The following TENM3 variants were observed in gnomAD, a reference collection of about 807,000 sequenced individuals.
TENM3 encodes the protein teneurin transmembrane protein 3, also known as teneurin-3.
A neutral mutation model predicts 255.1 loss-of-function variants in TENM3; 63 were observed. That is an observed-to-expected ratio of 0.25 (90% CI 0.20 to 0.30). The LOEUF is 0.30. TENM3 is among the 10% of genes least tolerant of loss of function. The pLI is 1.00. For synonymous variants in TENM3, 1,306 were observed against 1,322.3 expected, an observed-to-expected ratio of 0.99 and a Z score of 0.27; for missense variants, 2,929 against 3,461.1, an observed-to-expected ratio of 0.85 and a Z score of 3.86.
At chr4:182,117,607 A>G in the TENM3 span, among the ~76,000 whole-genome samples, 10 of 152,188 alleles carry the variant, frequency 6.6e-5, no homozygotes, top group African/African-American at 2.2e-4. Flanking sequence ...AGCAAGCTAT[A>G]GTTATATTGA....
intron 1 of TENM3, among the ~76,000 whole-genome samples, chr4:182,203,861 T>C (rs544094395): frequency 2.8e-4 from 42 of 152,290 alleles, no homozygotes; most frequent in African/African-American, 9.6e-4. Context: ...CTAAACATGG[T>C]GGAAGCATAC....
intron 3 of TENM3, among the ~76,000 whole-genome samples, chr4:182,430,535 A>G (rs1391773250): frequency 6.6e-6 from 1 of 152,076 alleles, no homozygotes; most frequent in Non-Finnish European, 1.5e-5. Context: ...GCAGCAGAGC[A>G]AGACTCCATC....
intron 3 of TENM3, among the ~76,000 whole-genome samples, chr4:182,577,439 T>G (rs898687106): frequency 6.6e-6 from 1 of 152,202 alleles, no homozygotes; most frequent in Admixed American, 6.5e-5. Context: ...GAATTGTGTC[T>G]TACTCCTTGG....
chr4:181,895,934 T>C, the TENM3 span, among the ~76,000 whole-genome samples: 2 of 152,200 alleles, frequency 1.3e-5, no homozygotes, highest in African/African-American at 4.8e-5. Flanking sequence ...AAGTCTGTTA[T>C]ATACCCAAGC....
At chr4:182,401,095 AG>A (rs1374445827) in intron 3 of TENM3, among the ~76,000 whole-genome samples, 7 of 151,876 alleles carry the variant, frequency 4.6e-5, no homozygotes. Context: ...ATACATTAAC[AG>A]GGTCCTCTCT....
chr4:182,083,959 GA>G, the TENM3 span, among the ~76,000 whole-genome samples: 8 of 146,736 alleles, frequency 5.5e-5, no homozygotes, highest in South Asian at 2.2e-4. Flanking sequence ...CACTGCAGTT[GA>G]AAAAAAAAAG....
chr4:181,725,654 G>A, the TENM3 span, among the ~76,000 whole-genome samples: 3 of 152,004 alleles, frequency 2.0e-5, no homozygotes, highest in South Asian at 2.1e-4. Flanking sequence ...GTGTTAGCCA[G>A]GATGGTCTCG....
chr4:182,480,047 G>A (rs181487159), intron 3 of TENM3, among the ~76,000 whole-genome samples: 11 of 152,008 alleles, frequency 7.2e-5, no homozygotes, highest in South Asian at 2.1e-4. Flanking sequence ...ATGATGGATA[G>A]CAACAGGAAG....
At chr4:182,202,883 A>G (rs552647576) in intron 1 of TENM3, among the ~76,000 whole-genome samples, 5 of 152,272 alleles carry the variant, frequency 3.3e-5, no homozygotes, top group African/African-American at 1.2e-4. Flanking sequence ...TGGAAAGCCT[A>G]CACGATCCCC....
the TENM3 span, among the ~76,000 whole-genome samples, chr4:181,792,921 A>C: frequency 2.2e-4 from 33 of 152,224 alleles, no homozygotes; most frequent in African/African-American, 7.7e-4. Flanking sequence ...ATTAAAGTTC[A>C]GCAAATCTCT....
At chr4:181,728,869 A>G in the TENM3 span, among the ~76,000 whole-genome samples, 1 of 152,146 alleles carries the variant, frequency 6.6e-6, no homozygotes, top group South Asian at 2.1e-4. Context: ...AGTAGTTTAT[A>G]TGGCTTCTAG....
intron 7 of TENM3, among the ~76,000 whole-genome samples, chr4:182,675,613 G>A (rs1755606108): frequency 6.6e-6 from 1 of 151,790 alleles, no homozygotes; most frequent in South Asian, 2.1e-4. Flanking sequence ...TAGACAGATT[G>A]GATTTATAGC....
At chr4:182,495,188 A>C (rs1735664214) in intron 3 of TENM3, among the ~76,000 whole-genome samples, 1 of 152,206 alleles carries the variant, frequency 6.6e-6, no homozygotes, top group African/African-American at 2.4e-5. Context: ...ATACCCCTTA[A>C]GTGCTCTTCT....
the TENM3 span, among the ~76,000 whole-genome samples, chr4:181,919,676 G>T: frequency 4.6e-5 from 7 of 151,962 alleles, no homozygotes; most frequent in South Asian, 2.1e-4. Context: ...CAATCGATCG[G>T]CATGAGGGAC....
the TENM3 span, among the ~76,000 whole-genome samples, chr4:181,801,794 G>T: frequency 6.6e-6 from 1 of 151,016 alleles, no homozygotes; most frequent in Non-Finnish European, 1.5e-5. Flanking sequence ...GTTTCTGCAG[G>T]TTTGTCATTT....
At chr4:182,091,222 A>G in the TENM3 span, among the ~76,000 whole-genome samples, 1 of 152,222 alleles carries the variant, frequency 6.6e-6, no homozygotes, top group Non-Finnish European at 1.5e-5. Flanking sequence ...CAGCAGGCCA[A>G]TTTGAGAAGA....
intron 3 of TENM3, among the ~76,000 whole-genome samples, chr4:182,431,799 G>A (rs930154564): frequency 3.9e-4 from 60 of 151,944 alleles, no homozygotes; most frequent in African/African-American, 1.3e-3. Flanking sequence ...AGCCAGGGCC[G>A]GGCATAGTGG....
intron 3 of TENM3, among the ~76,000 whole-genome samples, chr4:182,597,606 G>A (rs148721828): frequency 1.1e-3 from 175 of 152,252 alleles, no homozygotes; most frequent in Non-Finnish European, 1.8e-3. Flanking sequence ...CTTTAAAAAT[G>A]TATAGTACTA....
At chr4:181,832,082 C>G in the TENM3 span, among the ~76,000 whole-genome samples, 1 of 148,486 alleles carries the variant, frequency 6.7e-6, no homozygotes. Flanking sequence ...TTCGGAGGAA[C>G]AATAGGAAGC....
Sources: gnomAD v4.1 joint callset for allele counts (sites outside exome capture counted in the v4.1 genomes callset) on GRCh38, gnomAD v4.1.1 for gene constraint, MANE v1.5 for transcripts, NCBI Gene and HGNC (gene_info 2026-07-23, HGNC 2026-07-21) for gene names.